The following STT3B variants were observed in gnomAD, a reference collection of about 807,000 sequenced individuals.
The protein encoded by STT3B is STT3 oligosaccharyltransferase complex catalytic subunit B, also known as dolichyl-diphosphooligosaccharide--protein glycosyltransferase subunit STT3B.
A neutral mutation model predicts 96.8 loss-of-function variants in STT3B; 29 were observed. That is an observed-to-expected ratio of 0.30 (90% confidence interval 0.22 to 0.41). STT3B has a LOEUF of 0.41. Ranked by LOEUF, STT3B falls within the 10% of genes least tolerant of loss-of-function variation. The pLI is 1.00. For missense variants in STT3B, 640 were observed against 1,022.3 expected (o/e 0.63, Z 5.10); for synonymous variants, 367 against 360.0 (o/e 1.02, Z -0.22).
intron 14 of STT3B, among the ~76,000 whole-genome samples, chr3:31,632,359 C>T (rs1699681573): frequency 1.3e-5 from 2 of 152,190 alleles, no homozygotes; most frequent in South Asian, 4.1e-4. Context: ...GACATGTTTA[C>T]ATCCCAATCG....
At position 31,636,160 on chromosome 3, in the gene STT3B, G is replaced by A; in HGVS notation, c.*96G>A. 1 of 891,166 alleles carries A rather than the reference G, an allele frequency of 1.1e-6. No homozygotes were observed. Among genetic ancestry groups the A allele is most frequent in the Admixed American group, 2.9e-5 (1 of 34,686 alleles). The allele number at this position is 891,166 out of a possible 1,614,324, so 55.2% of individuals were successfully genotyped here. ...CGTGTTTCACAGCAAAGAGGGTACA[G>A]AACCATCACTGGTCCAGGTTAATGT... On this transcript the variant is annotated 3_prime_UTR_variant, in exon 16 of 16. Coordinates refer to ENST00000295770, the MANE Select transcript of STT3B (RefSeq NM_178862.3).
rs571550690 is a variant in STT3B at position 31,543,573 on chromosome 3, A to G, written c.314+10261A>G. On this transcript the variant is annotated intron_variant, in intron 1 of 15. Transcript: ENST00000295770. ...GTACAGTAAGTCTCTGTTGTGCAAT[A>G]CTTTGAAATTTTGGATTTGACTGTG... is the stretch of plus-strand genomic sequence containing the variant. Among the ~76,000 whole-genome samples the G allele has an allele frequency of 2.0e-5, 3 of 152,338 alleles. 1 individual carries two copies. The highest frequency in any genetic ancestry group is 7.2e-5 in the African/African-American group (3 of 41,574).
intron 12 of STT3B, 48 bp downstream of exon 12, chr3:31,625,133 A>C (rs1247887676): frequency 3.2e-6 from 5 of 1,542,718 alleles, no homozygotes; most frequent in African/African-American, 1.4e-5. Flanking sequence ...TTCACTCCTT[A>C]GCAATCAGGC....
At chr3:31,587,156 T>C (rs189766859) in intron 3 of STT3B, among the ~76,000 whole-genome samples, 2 of 152,236 alleles carry the variant, frequency 1.3e-5, no homozygotes, top group Admixed American at 1.3e-4. Context: ...TGAAAAATAA[T>C]TTGCATATTA....
chr3:31,621,884 CTG>C (rs1323265287), intron 9 of STT3B, among the ~76,000 whole-genome samples: 3 of 152,144 alleles, frequency 2.0e-5, no homozygotes, highest in Non-Finnish European at 2.9e-5. Flanking sequence ...TTTTTCTAAA[CTG>C]TGGATGTGTA....
chr3:31,543,080 A>T (rs1389711959), intron 1 of STT3B, among the ~76,000 whole-genome samples: 1 of 151,626 alleles, frequency 6.6e-6, no homozygotes, highest in African/African-American at 2.4e-5. Context: ...AAAAAAAAAA[A>T]AAAAGAGAAA....
chr3:31,636,214 A>C lies in STT3B; in HGVS notation c.*150A>C. On this transcript the variant is annotated 3_prime_UTR_variant, in exon 16 of 16. Transcript: ENST00000295770. ...AAATTTTCTGGCAATGCCTGATTAA[A>C]AAAATAAAATTGGCTTGTTGAGAAC... 1.9e-6 allele frequency: 1 copy of C among 516,228 alleles called. No individual in the cohort carries two copies. The highest frequency in any genetic ancestry group is 3.4e-6 in the Non-Finnish European group (1 of 296,764). The allele number at this position is 516,228 out of a possible 1,614,324, so 32.0% of individuals were successfully genotyped here.
intron 1 of STT3B, among the ~76,000 whole-genome samples, chr3:31,561,233 T>C (rs1000962148): frequency 6.6e-6 from 1 of 151,938 alleles, no homozygotes; most frequent in Non-Finnish European, 1.5e-5. Context: ...TTTGAGTTCT[T>C]TTTCTGGGAT....
At chr3:31,562,864 G>C (rs571779959) in intron 1 of STT3B, among the ~76,000 whole-genome samples, 1 of 152,160 alleles carries the variant, frequency 6.6e-6, no homozygotes, top group African/African-American at 2.4e-5. Context: ...GCTTAGGTTC[G>C]AGTGATTCGT....
chr3:31,568,212 A>G (rs1187943921), intron 1 of STT3B, among the ~76,000 whole-genome samples: 1 of 152,196 alleles, frequency 6.6e-6, no homozygotes, highest in African/African-American at 2.4e-5. Flanking sequence ...TTATGGCTAA[A>G]TAGTACTTTA....
intron 3 of STT3B, among the ~76,000 whole-genome samples, chr3:31,583,000 A>T (rs1194983281): frequency 1.3e-5 from 2 of 152,194 alleles, no homozygotes; most frequent in African/African-American, 4.8e-5. Flanking sequence ...GTACTTGAGA[A>T]GAATTGTGTA....
intron 1 of STT3B, among the ~76,000 whole-genome samples, chr3:31,563,392 G>A (rs1697926743): frequency 1.3e-5 from 2 of 152,146 alleles, no homozygotes; most frequent in Non-Finnish European, 1.5e-5. Context: ...AAGCATTTGG[G>A]ATATATACAA....
intron 3 of STT3B, among the ~76,000 whole-genome samples, chr3:31,587,152 A>T (rs1698558603): frequency 6.6e-6 from 1 of 152,070 alleles, no homozygotes; most frequent in Non-Finnish European, 1.5e-5. Flanking sequence ...TTATTGAAAA[A>T]TAATTTGCAT....
intron 1 of STT3B, among the ~76,000 whole-genome samples, chr3:31,561,252 TTTC>T (rs1366948038): frequency 3.3e-5 from 5 of 151,956 alleles, no homozygotes; most frequent in Non-Finnish European, 7.4e-5. Context: ...ATTTTGTGAA[TTTC>T]TTTTTTTTTC....
chr3:31,587,444 A>T (rs1351048992), intron 3 of STT3B, among the ~76,000 whole-genome samples: 1 of 151,920 alleles, frequency 6.6e-6, no homozygotes, highest in African/African-American at 2.4e-5. Context: ...GGTTCTCCTT[A>T]TATTGCTCAG....
intron 4 of STT3B, among the ~76,000 whole-genome samples, chr3:31,599,873 T>C (rs1356820362): frequency 2.6e-5 from 4 of 152,176 alleles, no homozygotes; most frequent in African/African-American, 7.2e-5. Flanking sequence ...ACTTTTAGTT[T>C]TGAGAATCTC....
chr3:31,552,435 G>C (rs1428054019), intron 1 of STT3B, among the ~76,000 whole-genome samples: 1 of 152,092 alleles, frequency 6.6e-6, no homozygotes. Flanking sequence ...GCTTATAATA[G>C]GGAGATAAAC....
At chr3:31,570,817 G>A (rs1338464657) in intron 1 of STT3B, among the ~76,000 whole-genome samples, 1 of 152,148 alleles carries the variant, frequency 6.6e-6, no homozygotes, top group Non-Finnish European at 1.5e-5. Context: ...ACGGATGTAA[G>A]GAAAGGAGTA....
At chr3:31,624,382 A>G (rs1203418810) in intron 11 of STT3B, among the ~76,000 whole-genome samples, 1 of 152,228 alleles carries the variant, frequency 6.6e-6, no homozygotes, top group Non-Finnish European at 1.5e-5. Flanking sequence ...ATAATCATAT[A>G]CATTAGTTTT....
Sources: gnomAD v4.1 joint callset for allele counts (sites outside exome capture counted in the v4.1 genomes callset) on GRCh38, gnomAD v4.1.1 for gene constraint, MANE v1.5 for transcripts, NCBI Gene and HGNC (gene_info 2026-07-23, HGNC 2026-07-21) for gene names.